DOK5: variants seen among roughly 807,000 people sequenced by gnomAD.
DOK5 encodes the protein docking protein 5.
A neutral mutation model predicts 43.3 loss-of-function variants in DOK5; 27 were observed. The observed-to-expected ratio is 0.62, with a 90% confidence interval of 0.46 to 0.86. The LOEUF (loss-of-function observed/expected upper bound fraction) is 0.86. Among genes scored for constraint, DOK5 ranks in the 40% least tolerant of loss-of-function variants. The pLI is 0.00. For synonymous variants in DOK5, 146 were observed against 140.1 expected, an observed-to-expected ratio of 1.04 and a Z score of -0.30; for missense variants, 373 against 392.9, an observed-to-expected ratio of 0.95 and a Z score of 0.43.
intron 1 of DOK5, among the ~76,000 whole-genome samples, chr20:54,524,235 G>A (rs558454922): frequency 3.9e-5 from 6 of 152,260 alleles, no homozygotes; most frequent in Admixed American, 3.9e-4. Context: ...TGCGAAAGAA[G>A]GATGAAGTGA....
At chr20:54,636,014 T>C (rs1180983512) in intron 6 of DOK5, among the ~76,000 whole-genome samples, 1 of 152,160 alleles carries the variant, frequency 6.6e-6, no homozygotes, top group Non-Finnish European at 1.5e-5. Context: ...TGTTGTGTCA[T>C]AACATGGTGG....
At chr20:54,609,643 T>C (rs927312997) in intron 5 of DOK5, among the ~76,000 whole-genome samples, 1 of 152,152 alleles carries the variant, frequency 6.6e-6, no homozygotes, top group Non-Finnish European at 1.5e-5. Flanking sequence ...AGCATTTATT[T>C]GTTTCTTGCC....
chr20:54,559,041 G>A (rs1273610856), intron 2 of DOK5, among the ~76,000 whole-genome samples: 1 of 152,154 alleles, frequency 6.6e-6, no homozygotes, highest in Non-Finnish European at 1.5e-5. Flanking sequence ...AGAGATGGCT[G>A]CAAATTTGAT....
intron 6 of DOK5, 150 bp downstream of exon 6, chr20:54,610,673 C>A: frequency 3.2e-6 from 3 of 950,478 alleles, no homozygotes; most frequent in South Asian, 3.9e-5. Flanking sequence ...AAATGGCATT[C>A]CAGAATGCCT....
At chr20:54,571,257 T>C (rs1432320340) in intron 2 of DOK5, among the ~76,000 whole-genome samples, 6 of 152,212 alleles carry the variant, frequency 3.9e-5, no homozygotes, top group Non-Finnish European at 7.3e-5. Context: ...AAAGTCCTAA[T>C]TGCTTTTTGC....
At chr20:54,552,253 G>A (rs907238306) in intron 1 of DOK5, among the ~76,000 whole-genome samples, 1 of 151,998 alleles carries the variant, frequency 6.6e-6, no homozygotes, top group African/African-American at 2.4e-5. Context: ...TTTTAGTATA[G>A]TGGAGATCAT....
chr20:54,635,030 A>G (rs942845698), intron 6 of DOK5, among the ~76,000 whole-genome samples: 6 of 152,152 alleles, frequency 3.9e-5, no homozygotes, highest in African/African-American at 1.4e-4. Context: ...TCAAAAGTTA[A>G]CCTGAAAAAC....
chr20:54,595,995 CT>C (rs1446635489), intron 5 of DOK5, among the ~76,000 whole-genome samples: 2 of 152,186 alleles, frequency 1.3e-5, no homozygotes, highest in Non-Finnish European at 2.9e-5. Flanking sequence ...TGGGCTTCTC[CT>C]AAATAGTATC....
At chr20:54,602,535 T>C (rs900074950) in intron 5 of DOK5, among the ~76,000 whole-genome samples, 1 of 152,166 alleles carries the variant, frequency 6.6e-6, no homozygotes, top group Non-Finnish European at 1.5e-5. Context: ...GGTTGAATAA[T>C]GGAGAAACAT....
intron 1 of DOK5, among the ~76,000 whole-genome samples, chr20:54,518,106 A>G (rs1004359874): frequency 6.6e-6 from 1 of 152,104 alleles, no homozygotes; most frequent in African/African-American, 2.4e-5. Context: ...GGTAGCTACT[A>G]TCATAATCCC....
chr20:54,543,573 G>GTGTA (rs1404667505), intron 1 of DOK5, among the ~76,000 whole-genome samples: 1 of 146,776 alleles, frequency 6.8e-6, no homozygotes, highest in African/African-American at 2.7e-5. Context: ...GTGTGTGTAT[G>GTGTA]TGTGTGTGTG....
Position 54,588,463 on chromosome 20 carries a change from T to G in DOK5, c.175-20T>G. ...CATTCATTCAGGGAGTGTGTCAAAC[T>G]TCTAATTGTTCATTTTCAGGTTACA... is the stretch of plus-strand genomic sequence containing the variant. On this transcript the variant is annotated intron_variant, in intron 2 of 7. Transcript: ENST00000262593. 6.2e-7 allele frequency: 1 copy of G among 1,606,894 alleles called. No individual in the cohort carries two copies. The highest frequency in any genetic ancestry group is 1.1e-5 in the South Asian group (1 of 90,930).
At chr20:54,614,090 C>T (rs1459212407) in intron 6 of DOK5, among the ~76,000 whole-genome samples, 3 of 151,292 alleles carry the variant, frequency 2.0e-5, no homozygotes, top group Non-Finnish European at 4.4e-5. Context: ...AAAACAACAA[C>T]AAAAAACCTG....
chr20:54,605,881 A>G (rs1382033931), intron 5 of DOK5, among the ~76,000 whole-genome samples: 3 of 152,352 alleles, frequency 2.0e-5, no homozygotes, highest in South Asian at 4.1e-4. Flanking sequence ...TGTACTCTAC[A>G]TATCCTATTT....
intron 1 of DOK5, among the ~76,000 whole-genome samples, chr20:54,478,490 ACTAT>A (rs1402504467): frequency 1.3e-5 from 2 of 152,240 alleles, no homozygotes; most frequent in Non-Finnish European, 2.9e-5. Context: ...TATGTGCTGA[ACTAT>A]ATAGTGCATG....
At chr20:54,550,084 A>T (rs929372591) in intron 1 of DOK5, among the ~76,000 whole-genome samples, 6 of 152,012 alleles carry the variant, frequency 3.9e-5, no homozygotes, top group African/African-American at 1.5e-4. Flanking sequence ...TCTCCACCTG[A>T]AAAGGATTTT....
chr20:54,630,079 G>A (rs1384488243), intron 6 of DOK5, among the ~76,000 whole-genome samples: 1 of 151,960 alleles, frequency 6.6e-6, no homozygotes, highest in South Asian at 2.1e-4. Flanking sequence ...GTTTGCTTTC[G>A]AATTGATCAC....
chr20:54,593,430 T>C (rs1273950665), intron 5 of DOK5, among the ~76,000 whole-genome samples: 2 of 152,206 alleles, frequency 1.3e-5, no homozygotes, highest in Non-Finnish European at 2.9e-5. Context: ...TAGAAACAAG[T>C]TGGTGAATCT....
At chr20:54,623,470 C>T (rs1187028089) in intron 6 of DOK5, among the ~76,000 whole-genome samples, 1 of 152,124 alleles carries the variant, frequency 6.6e-6, no homozygotes, top group African/African-American at 2.4e-5. Context: ...ATACTAATGT[C>T]TCTGCCTGGT....
Sources: allele counts gnomAD v4.1 joint callset (sites outside exome capture counted in the v4.1 genomes callset), GRCh38; gene constraint gnomAD v4.1.1; transcripts MANE v1.5; gene names NCBI Gene and HGNC (gene_info 2026-07-23, HGNC 2026-07-21).